ZSCAN30: variants seen among roughly 807,000 people sequenced by gnomAD.
ZSCAN30 encodes the protein zinc finger and SCAN domain containing 30.
A neutral mutation model predicts 44.3 loss-of-function variants in ZSCAN30; 37 were observed. The ratio of observed to expected loss-of-function variants is 0.84; its 90% CI spans 0.64 to 1.10. The LOEUF (loss-of-function observed/expected upper bound fraction) is 1.10. ZSCAN30 is among the 50% of genes least tolerant of loss of function. The pLI, the probability that ZSCAN30 is intolerant of heterozygous loss-of-function variation, is 0.00. For synonymous variants in ZSCAN30, 181 were observed against 204.6 expected, an observed-to-expected ratio of 0.88 and a Z score of 0.98; for missense variants, 549 against 582.6, an observed-to-expected ratio of 0.94 and a Z score of 0.59.
In ZSCAN30 at chr18:35,264,218, C is replaced by A. The variant is rs1205319390; in HGVS notation, c.135G>T (p.Glu45Asp). Residue 45 changes from glutamate to aspartate, a missense_variant, in exon 2 of 4, where the codon GAG (glutamate) becomes GAT (aspartate). Glu to Asp is a conservative substitution (Grantham distance 45, BLOSUM62 2). Transcript: ENST00000333206. ...FGLQENPWSQ[E>D]VFRQKFRQFS... ...ACTGCCTGAACTTCTGCCGGAATAC[C>A]TCTTGGCTCCAGGGGTTTTCCTGAA... 1 of 1,614,084 alleles carries A rather than the reference C, an allele frequency of 6.2e-7. No individual in the cohort carries two copies. Among genetic ancestry groups the A allele is most frequent in the African/African-American group, 1.3e-5 (1 of 74,938 alleles).
chr18:35,288,163 G>C (rs576799794), intron 1 of ZSCAN30, among the ~76,000 whole-genome samples: 10 of 152,182 alleles, frequency 6.6e-5, no homozygotes, highest in Non-Finnish European at 1.5e-4. Flanking sequence ...CTTGGGCCAT[G>C]GCACCTGGCC....
chr18:35,281,090 C>T (rs901444979), intron 1 of ZSCAN30: 9 of 152,154 alleles, frequency 5.9e-5, no homozygotes, highest in South Asian at 2.1e-4. Context: ...TGCTCTAGAG[C>T]GTATGCCTAA....
intron 1 of ZSCAN30, among the ~76,000 whole-genome samples, chr18:35,280,110 A>G (rs1254942442): frequency 6.6e-6 from 1 of 152,074 alleles, no homozygotes; most frequent in African/African-American, 2.4e-5. Context: ...CCCTGACTCT[A>G]CAAAAAAATA....
intron 3 of ZSCAN30, chr18:35,257,804 T>C (rs1283591950): frequency 3.9e-6 from 3 of 763,684 alleles, no homozygotes; most frequent in East Asian, 4.9e-5. Flanking sequence ...AACTCTGCAG[T>C]GCAATTATGC....
intron 1 of ZSCAN30, among the ~76,000 whole-genome samples, chr18:35,288,264 T>C (rs1282700539): frequency 1.3e-5 from 2 of 152,226 alleles, no homozygotes; most frequent in Non-Finnish European, 2.9e-5. Flanking sequence ...AGATGGCATA[T>C]AAGCACATTA....
chr18:35,282,615 C>T (rs1416042075), intron 1 of ZSCAN30: 1 of 152,188 alleles, frequency 6.6e-6, no homozygotes, highest in Non-Finnish European at 1.5e-5. Context: ...ACTGGTGACT[C>T]ACTTTGTTGA....
At chr18:35,266,901 CG>C (rs1233140583) in intron 1 of ZSCAN30, 1 of 152,036 alleles carries the variant, frequency 6.6e-6, no homozygotes, top group Admixed American at 6.5e-5. Flanking sequence ...CTCCTGACCT[CG>C]TGATCCTCCC....
rs2043645787 is a variant in ZSCAN30, at chr18:35,252,832, A to G, written c.*618T>C. 6.5e-6 allele frequency: 1 copy of G among 152,820 alleles called. No homozygotes were observed. The highest frequency in any genetic ancestry group is 1.5e-5 in the Non-Finnish European group (1 of 68,540). 9.5% of individuals were successfully genotyped at this position (152,820 alleles called of 1,614,324 possible). A position where few individuals can be genotyped will look rare whatever the true frequency, so the allele number is the denominator to read the frequency against. On this transcript the variant is annotated 3_prime_UTR_variant, in exon 4 of 4. Coordinates refer to ENST00000333206, the MANE Select transcript of ZSCAN30 (RefSeq NM_001112734.4). The stretch of plus-strand genomic sequence containing the variant: ...TCTACCTCAATGCCTAGCACATAGC[A>G]GGTGCTCAATAAACTAGTAGACTTG...
chr18:35,262,680 CA>C (rs1759446495), intron 3 of ZSCAN30: 1 of 152,306 alleles, frequency 6.6e-6, no homozygotes, highest in South Asian at 2.1e-4. Context: ...GTCAGCTCCC[CA>C]TGGGGAGCTT....
chr18:35,269,689 TTTAA>T (rs2044232115), intron 1 of ZSCAN30: 1 of 152,304 alleles, frequency 6.6e-6, no homozygotes, highest in South Asian at 2.1e-4. Context: ...TTCATTGAAT[TTTAA>T]TTAATTTACA....
At chr18:35,280,747 C>T (rs1598652139) in intron 1 of ZSCAN30, 1 of 152,344 alleles carries the variant, frequency 6.6e-6, no homozygotes, top group African/African-American at 2.4e-5. Flanking sequence ...AGATCTTATT[C>T]ACAACAAACA....
At chr18:35,262,681 A>T (rs1025209320) in intron 3 of ZSCAN30, 6 of 152,268 alleles carry the variant, frequency 3.9e-5, no homozygotes, top group African/African-American at 1.4e-4. Context: ...TCAGCTCCCC[A>T]TGGGGAGCTT....
chr18:35,275,413 C>T (rs916996406), intron 1 of ZSCAN30, among the ~76,000 whole-genome samples: 1 of 152,196 alleles, frequency 6.6e-6, no homozygotes, highest in African/African-American at 2.4e-5. Context: ...AAGCCATTTT[C>T]TCAAGCATTA....
intron 1 of ZSCAN30, among the ~76,000 whole-genome samples, chr18:35,274,081 T>C (rs1309200426): frequency 6.6e-6 from 1 of 152,116 alleles, no homozygotes; most frequent in Non-Finnish European, 1.5e-5. Flanking sequence ...AGTGGTGCGA[T>C]CTCGGCTCAC....
At chr18:35,256,772 GTTGTTGT>G (rs2043838373) in intron 3 of ZSCAN30, among the ~76,000 whole-genome samples, 1 of 151,128 alleles carries the variant, frequency 6.6e-6, no homozygotes, top group African/African-American at 2.5e-5. Context: ...TGTTGTTGTT[GTTGTTGT>G]TTGTTTGTTT....
chr18:35,270,279 T>C (rs934747398), intron 1 of ZSCAN30: 2 of 152,210 alleles, frequency 1.3e-5, no homozygotes, highest in Non-Finnish European at 2.9e-5. Context: ...AATAGATAAA[T>C]TGAATTTTAA....
At chr18:35,274,526 T>C (rs2044338291) in intron 1 of ZSCAN30, among the ~76,000 whole-genome samples, 1 of 152,190 alleles carries the variant, frequency 6.6e-6, no homozygotes, top group African/African-American at 2.4e-5. Flanking sequence ...TCCTAGAATG[T>C]AGTTGATTTT....
rs1427801293 is a variant in ZSCAN30 at position 35,251,380 on chromosome 18, C to G, written c.*2070G>C. The G allele has an allele frequency of 6.6e-6, 1 of 152,142 alleles. No homozygotes were observed. Among genetic ancestry groups the G allele is most frequent in the East Asian group, 1.9e-4 (1 of 5,192 alleles). The allele number at this position is 152,142 out of a possible 1,614,324, so 9.4% of individuals were successfully genotyped here. ...TCTGATTGTCACCTATAGGAAAAGG[C>G]AACTCACTATCCATTTGAAAGATCC... On this transcript the variant is annotated 3_prime_UTR_variant, in exon 4 of 4. Transcript: ENST00000333206.
Position 35,252,153 on chromosome 18 carries a change from CTACTTA to C in ZSCAN30, c.*1291_*1296del, listed in dbSNP as rs2043620940. The C allele has an allele frequency of 1.3e-5, 2 of 152,170 alleles. No individual in the cohort carries two copies. The highest frequency in any genetic ancestry group is 2.9e-5 in the Non-Finnish European group (2 of 68,046). The allele number at this position is 152,170 out of a possible 1,614,324, so 9.4% of individuals were successfully genotyped here. A position where few individuals can be genotyped will look rare whatever the true frequency, so the allele number is the denominator to read the frequency against. On this transcript the variant is annotated 3_prime_UTR_variant, in exon 4 of 4. Transcript: ENST00000333206. Reference sequence around the variant, plus strand: ...TCCCCATGTGTTGCTTTTCCTCTTCCTACTTATAATCACTGAGTTGGGGAGCCTATT... The same window carrying C: ...TCCCCATGTGTTGCTTTTCCTCTTCCTAATCACTGAGTTGGGGAGCCTATT...
Sources: gnomAD v4.1 joint callset for allele counts (sites outside exome capture counted in the v4.1 genomes callset) on GRCh38, gnomAD v4.1.1 for gene constraint, MANE v1.5 for transcripts, NCBI Gene and HGNC (gene_info 2026-07-23, HGNC 2026-07-21) for gene names.